Variants in MGAT5 observed in about 807,000 individuals in gnomAD.
The protein encoded by MGAT5 is alpha-1,6-mannosylglycoprotein 6-beta-N-acetylglucosaminyltransferase.
In MGAT5, 30 loss-of-function variants were observed where a neutral mutation model predicts 94.3. The observed-to-expected ratio is 0.32, with a 90% CI of 0.24 to 0.43. The LOEUF is 0.43. Ranked by LOEUF, MGAT5 falls within the 20% of genes least tolerant of loss-of-function variation. The pLI is 1.00. For synonymous variants in MGAT5, 310 were observed against 322.9 expected, an observed-to-expected ratio of 0.96 and a Z score of 0.43; for missense variants, 691 against 905.5, an observed-to-expected ratio of 0.76 and a Z score of 3.04.
chr2:134,167,874 T>G (rs1688030748), intron 1 of MGAT5, among the ~76,000 whole-genome samples: 1 of 152,220 alleles, frequency 6.6e-6, no homozygotes, highest in Admixed American at 6.5e-5. Flanking sequence ...GAAGTTTGGC[T>G]ATTTTTTTCT....
chr2:134,358,899 T>C (rs1679916036), intron 9 of MGAT5, among the ~76,000 whole-genome samples: 1 of 152,186 alleles, frequency 6.6e-6, no homozygotes. Context: ...CTCCAAAACA[T>C]TTGTCATTGA....
At chr2:134,302,445 G>A (rs1686072898) in intron 2 of MGAT5, among the ~76,000 whole-genome samples, 1 of 152,032 alleles carries the variant, frequency 6.6e-6, no homozygotes, top group South Asian at 2.1e-4. Flanking sequence ...GAAATGAAGA[G>A]AAGGAAAACA....
intron 10 of MGAT5, among the ~76,000 whole-genome samples, chr2:134,370,040 G>C (rs1236584611): frequency 1.3e-5 from 2 of 152,136 alleles, no homozygotes; most frequent in African/African-American, 4.8e-5. Flanking sequence ...GGTGACTGCT[G>C]CATCTGAGAT....
rs568818615 is a variant in MGAT5 at position 134,404,919 on chromosome 2, A to C, written c.1530+1782A>C. On this transcript the variant is annotated intron_variant, in intron 11 of 15. Coordinates refer to ENST00000281923, the MANE Select transcript of MGAT5 (RefSeq NM_002410.5). ...CAGAATGTCTGGGCCCTTTAATGGCAGTGCTGTTTTTGCCATTTGCCTCAT... is the reference window on the plus strand; with the variant it reads ...CAGAATGTCTGGGCCCTTTAATGGCCGTGCTGTTTTTGCCATTTGCCTCAT... Among the ~76,000 whole-genome samples, 3 of 152,342 alleles carry C rather than the reference A, an allele frequency of 2.0e-5. No individual in the cohort carries two copies. The South Asian group carries it at 6.2e-4, about 32-fold the overall frequency.
At chr2:134,327,535 G>A (rs1405195394) in intron 4 of MGAT5, among the ~76,000 whole-genome samples, 1 of 152,096 alleles carries the variant, frequency 6.6e-6, no homozygotes, top group African/African-American at 2.4e-5. Context: ...GGATCCCCTG[G>A]ACAAAGGAGC....
intron 1 of MGAT5, among the ~76,000 whole-genome samples, chr2:134,153,746 C>T (rs532987510): frequency 1.3e-4 from 20 of 152,218 alleles, no homozygotes; most frequent in African/African-American, 4.8e-4. Context: ...GTCTTACAGG[C>T]CACTCGAGGA....
At chr2:134,384,401 T>C (rs1247112513) in intron 10 of MGAT5, among the ~76,000 whole-genome samples, 1 of 152,206 alleles carries the variant, frequency 6.6e-6, no homozygotes, top group East Asian at 1.9e-4. Context: ...TGAATGTAAC[T>C]GGTTCAGTTT....
chr2:134,345,361 T>G (rs1438300837), intron 8 of MGAT5, among the ~76,000 whole-genome samples: 1 of 152,202 alleles, frequency 6.6e-6, no homozygotes, highest in Non-Finnish European at 1.5e-5. Flanking sequence ...AATAACAATT[T>G]TGATAAAATA....
intron 1 of MGAT5, among the ~76,000 whole-genome samples, chr2:134,135,390 G>A (rs553418710): frequency 2.0e-5 from 3 of 152,136 alleles, no homozygotes; most frequent in Non-Finnish European, 4.4e-5. Flanking sequence ...TTAATGTGAA[G>A]CATTTTTAAA....
chr2:134,241,346 A>G (rs1026041042), intron 1 of MGAT5, among the ~76,000 whole-genome samples: 1 of 152,250 alleles, frequency 6.6e-6, no homozygotes, highest in Non-Finnish European at 1.5e-5. Context: ...AAAGGAAGCA[A>G]TGAGTTCTCT....
At chr2:134,438,633 T>C (rs978014694) in intron 14 of MGAT5, among the ~76,000 whole-genome samples, 7 of 152,148 alleles carry the variant, frequency 4.6e-5, no homozygotes, top group African/African-American at 1.7e-4. Context: ...CTGTCTGCCT[T>C]AGTAGCAGCA....
chr2:134,422,397 A>T (rs1308074877), intron 12 of MGAT5, among the ~76,000 whole-genome samples: 2 of 152,026 alleles, frequency 1.3e-5, no homozygotes, highest in African/African-American at 4.8e-5. Flanking sequence ...GCCTCCTGGG[A>T]CTTTAAAAGC....
intron 6 of MGAT5, 97 bp downstream of exon 6, chr2:134,338,517 A>G: frequency 7.5e-7 from 1 of 1,328,622 alleles, no homozygotes; most frequent in Non-Finnish European, 1.0e-6. Flanking sequence ...CATATCTCAA[A>G]TGATATTCTC....
At chr2:134,138,964 C>T (rs1686542731) in intron 1 of MGAT5, among the ~76,000 whole-genome samples, 1 of 152,138 alleles carries the variant, frequency 6.6e-6, no homozygotes, top group South Asian at 2.1e-4. Flanking sequence ...TGCCTACTTT[C>T]CATTACATGC....
At chr2:134,344,342 A>G (rs1285677739) in intron 7 of MGAT5, among the ~76,000 whole-genome samples, 1 of 152,154 alleles carries the variant, frequency 6.6e-6, no homozygotes. Context: ...ATTTGACATA[A>G]GAGAAAAAGT....
intron 1 of MGAT5, among the ~76,000 whole-genome samples, chr2:134,186,022 C>T (rs138431152): frequency 6.6e-6 from 1 of 152,278 alleles, no homozygotes; most frequent in African/African-American, 2.4e-5. Context: ...AATAGAGGCA[C>T]CTGTGTGGGG....
chr2:134,399,231 G>C (rs1199934383), intron 10 of MGAT5, among the ~76,000 whole-genome samples: 1 of 152,196 alleles, frequency 6.6e-6, no homozygotes, highest in Non-Finnish European at 1.5e-5. Flanking sequence ...GTTGGGGAAA[G>C]CTTCTGATTC....
intron 10 of MGAT5, among the ~76,000 whole-genome samples, chr2:134,369,558 G>A (rs1196234446): frequency 1.3e-5 from 2 of 152,046 alleles, no homozygotes; most frequent in Non-Finnish European, 2.9e-5. Context: ...AAAATAAGAG[G>A]AGCATTTATT....
At chr2:134,267,195 A>G (rs935471) in intron 1 of MGAT5, among the ~76,000 whole-genome samples, 32,354 of 152,136 alleles carry the variant, frequency 0.21, 4,884 homozygotes, top group African/African-American at 0.39. Context: ...GGACAGGTCC[A>G]TTGTAGTTCT....
Sources: gnomAD v4.1 joint callset for allele counts (sites outside exome capture counted in the v4.1 genomes callset) on GRCh38, gnomAD v4.1.1 for gene constraint, MANE v1.5 for transcripts, NCBI Gene and HGNC (gene_info 2026-07-23, HGNC 2026-07-21) for gene names.